GABRG3: variants seen among roughly 807,000 people sequenced by gnomAD.
GABRG3 encodes the protein gamma-aminobutyric acid type A receptor subunit gamma3, also known as gamma-aminobutyric acid receptor subunit gamma-3.
Under a neutral mutation model 48.8 loss-of-function variants are expected in GABRG3, and 25 were observed. The observed-to-expected ratio is 0.51, with a 90% CI of 0.37 to 0.72. The LOEUF (loss-of-function observed/expected upper bound fraction) is 0.72. Ranked by LOEUF, GABRG3 falls within the 30% of genes least tolerant of loss-of-function variation. The pLI, the probability that GABRG3 is intolerant of heterozygous loss-of-function variation, is 0.00. For missense variants in GABRG3, 394 were observed against 577.9 expected (o/e 0.68, Z 3.26); for synonymous variants, 227 against 217.6 (o/e 1.04, Z -0.38).
intron 3 of GABRG3, among the ~76,000 whole-genome samples, chr15:27,277,602 A>G (rs1305144467): frequency 6.6e-6 from 1 of 152,184 alleles, no homozygotes; most frequent in African/African-American, 2.4e-5. Flanking sequence ...ATAATGAGCT[A>G]TTGATAAACT....
At chr15:27,087,603 ATGTG>A (rs982080917) in intron 3 of GABRG3, among the ~76,000 whole-genome samples, 13 of 152,012 alleles carry the variant, frequency 8.6e-5, no homozygotes, top group Admixed American at 1.3e-4. Flanking sequence ...GTCAGGGTGA[ATGTG>A]TGTATGCATG....
rs1308098858 is a variant in GABRG3, at chr15:27,480,988, T to G, written c.712+201T>G. On this transcript the variant is annotated intron_variant, in intron 6 of 9. Transcript: ENST00000615808. Reference sequence around the variant, plus strand: ...AGGGATGTTAGAAATAATTCATATTTTTGAATCCAGGCTGTGTTTGCATAA... The same window carrying G: ...AGGGATGTTAGAAATAATTCATATTGTTGAATCCAGGCTGTGTTTGCATAA... 3 of 1,379,776 alleles carry G rather than the reference T, an allele frequency of 2.2e-6. No individual in the cohort carries two copies. In the African/African-American group the frequency reaches 4.3e-5, roughly 20 times the overall value. The allele number at this position is 1,379,776 out of a possible 1,614,324, so 85.5% of individuals were successfully genotyped here. A position where few individuals can be genotyped will look rare whatever the true frequency, so the allele number is the denominator to read the frequency against.
At position 27,538,728 on chromosome 15, in the gene GABRG3, C is replaced by G. The variant is rs1407706817; in HGVS notation, c.*5847C>G. 6.6e-5 allele frequency: 10 copies of G among 152,134 alleles called. No homozygotes were observed. The highest frequency in any genetic ancestry group is 6.5e-4 in the Admixed American group (10 of 15,280). 9.4% of individuals were successfully genotyped at this position (152,134 alleles called of 1,614,324 possible). On this transcript the variant is annotated 3_prime_UTR_variant, in exon 10 of 10. Coordinates refer to ENST00000615808, the MANE Select transcript of GABRG3 (RefSeq NM_033223.5). ...GCTGCTACATTTTCTCTTCTCTTTTCTAGTTATTCAGGGTTCCTTCTTTGA... is the reference window on the plus strand; with the variant it reads ...GCTGCTACATTTTCTCTTCTCTTTTGTAGTTATTCAGGGTTCCTTCTTTGA...
At chr15:27,335,159 T>G (rs1166769958) in intron 5 of GABRG3, among the ~76,000 whole-genome samples, 2 of 152,204 alleles carry the variant, frequency 1.3e-5, no homozygotes, top group African/African-American at 4.8e-5. Flanking sequence ...TACCCATTGG[T>G]AGACAAGACC....
chr15:27,162,099 T>C (rs1162615809), intron 3 of GABRG3, among the ~76,000 whole-genome samples: 2 of 152,216 alleles, frequency 1.3e-5, no homozygotes, highest in African/African-American at 4.8e-5. Context: ...AGCTTACTAG[T>C]ACTGAAGTTG....
intron 2 of GABRG3, among the ~76,000 whole-genome samples, chr15:27,020,281 G>A (rs897187618): frequency 7.2e-5 from 11 of 152,172 alleles, no homozygotes; most frequent in Non-Finnish European, 1.3e-4. Context: ...TGCTGGTGTG[G>A]GGCAGCTCTT....
Position 27,090,860 on chromosome 15 carries a change from A to G in GABRG3, c.270+64039A>G, listed in dbSNP as rs144511362. Among the ~76,000 whole-genome samples the G allele has an allele frequency of 1.6e-3, 248 of 152,254 alleles. 1 individual carries two copies. Among genetic ancestry groups the G allele is most frequent in the East Asian group, 6.6e-3 (34 of 5,176 alleles). ...AACTGATTTTTGTTGAGTTGATTTT[A>G]TATCCTGCAACACTGCTGAGTTTGT... On this transcript the variant is annotated intron_variant, in intron 3 of 9. Coordinates refer to ENST00000615808, the MANE Select transcript of GABRG3 (RefSeq NM_033223.5).
chr15:27,010,828 GT>G (rs1895671275), intron 2 of GABRG3, among the ~76,000 whole-genome samples: 1 of 152,100 alleles, frequency 6.6e-6, no homozygotes. Flanking sequence ...AAATACTGAG[GT>G]TGTTTTTGTT....
At chr15:27,197,791 T>C (rs1174022348) in intron 3 of GABRG3, among the ~76,000 whole-genome samples, 1 of 152,098 alleles carries the variant, frequency 6.6e-6, no homozygotes, top group African/African-American at 2.4e-5. Flanking sequence ...TCAGAACTTG[T>C]TATTGGTCTA....
At chr15:27,092,587 C>T (rs1004581594) in intron 3 of GABRG3, among the ~76,000 whole-genome samples, 1 of 152,154 alleles carries the variant, frequency 6.6e-6, no homozygotes, top group African/African-American at 2.4e-5. Flanking sequence ...TTGCCCCGTC[C>T]GTGTGAGCTG....
intron 3 of GABRG3, chr15:27,208,369 G>T: frequency 4.4e-6 from 1 of 229,706 alleles, no homozygotes. Context: ...GCACTTCATT[G>T]GCCTTGATGC....
At chr15:27,132,042 A>T (rs1323624974) in intron 3 of GABRG3, among the ~76,000 whole-genome samples, 1 of 152,076 alleles carries the variant, frequency 6.6e-6, no homozygotes, top group Non-Finnish European at 1.5e-5. Context: ...ACCCCTTGTC[A>T]GATGTATAAT....
chr15:27,042,914 G>A (rs1387746792), intron 3 of GABRG3, among the ~76,000 whole-genome samples: 2 of 152,234 alleles, frequency 1.3e-5, no homozygotes, highest in Non-Finnish European at 2.9e-5. Context: ...TGGAGATGCT[G>A]TTGTCACTGT....
At chr15:27,302,387 C>G (rs1239393528) in intron 3 of GABRG3, among the ~76,000 whole-genome samples, 1 of 151,864 alleles carries the variant, frequency 6.6e-6, no homozygotes, top group African/African-American at 2.4e-5. Flanking sequence ...AGAAAATTAC[C>G]AGGGACAGTT....
intron 3 of GABRG3, among the ~76,000 whole-genome samples, chr15:27,119,043 C>A (rs140463913): frequency 6.6e-6 from 1 of 152,306 alleles, no homozygotes; most frequent in East Asian, 1.9e-4. Flanking sequence ...TAATCTTCCA[C>A]TATCATAAGA....
rs189069777 is a variant in GABRG3 at position 27,157,173 on chromosome 15, G to C, written c.270+130352G>C. On this transcript the variant is annotated intron_variant, in intron 3 of 9. Coordinates refer to ENST00000615808, the MANE Select transcript of GABRG3 (RefSeq NM_033223.5). ...ACTCGAATTCAATTGCTGCATGTCTGGAATGGAAGATTGGGAACTTATATT... is the reference window on the plus strand; with the variant it reads ...ACTCGAATTCAATTGCTGCATGTCTCGAATGGAAGATTGGGAACTTATATT... Among the ~76,000 whole-genome samples the C allele has an allele frequency of 2.2e-3, 337 of 152,272 alleles. 2 individuals carry two copies. Among genetic ancestry groups the C allele is most frequent in the African/African-American group, 7.5e-3 (311 of 41,550 alleles).
intron 3 of GABRG3, among the ~76,000 whole-genome samples, chr15:27,044,387 A>G (rs1896328200): frequency 7.4e-6 from 1 of 134,896 alleles, no homozygotes; most frequent in Non-Finnish European, 1.7e-5. Flanking sequence ...GAAGCTATCA[A>G]TAGGTATTGA....
At chr15:27,281,215 G>C (rs976359316) in intron 3 of GABRG3, among the ~76,000 whole-genome samples, 1 of 151,974 alleles carries the variant, frequency 6.6e-6, no homozygotes, top group African/African-American at 2.4e-5. Context: ...GGAGTTTCTT[G>C]TAGACATCAT....
chr15:27,432,283 A>G (rs1566838259), intron 5 of GABRG3, among the ~76,000 whole-genome samples: 1 of 152,226 alleles, frequency 6.6e-6, no homozygotes, highest in Non-Finnish European at 1.5e-5. Context: ...GCTATTAATT[A>G]TATAGAAATC....
Sources: gnomAD v4.1 joint callset for allele counts (sites outside exome capture counted in the v4.1 genomes callset) on GRCh38, gnomAD v4.1.1 for gene constraint, MANE v1.5 for transcripts, NCBI Gene and HGNC (gene_info 2026-07-23, HGNC 2026-07-21) for gene names.